The following AGGF1 variants were observed in gnomAD, a reference collection of about 807,000 sequenced individuals.
The protein encoded by AGGF1 is angiogenic factor with G patch and FHA domains 1.
Under a neutral mutation model 86.5 loss-of-function variants are expected in AGGF1, and 56 were observed. The observed-to-expected ratio is 0.65, with a 90% CI of 0.52 to 0.81. The LOEUF is 0.81. AGGF1 is among the 30% of genes least tolerant of loss of function. AGGF1 has a pLI of 0.00. For missense variants in AGGF1, 816 were observed against 850.9 expected (o/e 0.96, Z 0.51); for synonymous variants, 313 against 297.1 (o/e 1.05, Z -0.55).
intron 6 of AGGF1, 92 bp from the exon 7 acceptor site, chr5:77,048,069 C>G: frequency 3.5e-6 from 3 of 864,404 alleles, no homozygotes; most frequent in Non-Finnish European, 5.9e-6. Context: ...TTGACCAACA[C>G]ATTTTTATTT....
At chr5:77,045,772 T>A (rs936283201) in intron 5 of AGGF1, among the ~76,000 whole-genome samples, 4 of 152,244 alleles carry the variant, frequency 2.6e-5, no homozygotes, top group Admixed American at 1.3e-4. Flanking sequence ...GCCTGCACTA[T>A]CCAGTAAGGT....
intron 9 of AGGF1, among the ~76,000 whole-genome samples, chr5:77,053,524 G>C (rs944485301): frequency 1.3e-5 from 2 of 151,922 alleles, no homozygotes; most frequent in Non-Finnish European, 2.9e-5. Context: ...CTCAAAAAAA[G>C]AAAAAATATA....
chr5:77,038,976 A>G (rs1747014920), intron 4 of AGGF1, among the ~76,000 whole-genome samples: 2 of 152,124 alleles, frequency 1.3e-5, no homozygotes, highest in Admixed American at 6.5e-5. Flanking sequence ...ATTTTATAGA[A>G]TGTTATTTTT....
chr5:77,049,149 A>G lies in AGGF1; in HGVS notation c.1365+162A>G, dbSNP rs142681743. ...AGATCTGTTTATTCCAGTGCTTGAG[A>G]AAATAATTCTTTATCACAATTTGAA... On this transcript the variant is annotated intron_variant, in intron 8 of 13. Coordinates refer to ENST00000312916, the MANE Select transcript of AGGF1 (RefSeq NM_018046.5). 3.6e-3 allele frequency among the ~76,000 whole-genome samples: 544 copies of G among 152,332 alleles called. 1 individual carries two copies. Among genetic ancestry groups the G allele is most frequent in the African/African-American group, 0.012 (506 of 41,574 alleles).
intron 5 of AGGF1, among the ~76,000 whole-genome samples, chr5:77,040,975 A>T (rs1382022361): frequency 1.3e-5 from 2 of 151,864 alleles, no homozygotes; most frequent in Admixed American, 1.3e-4. Context: ...TGATCTGCCT[A>T]CCTCAGCCTC....
At chr5:77,034,633 T>C in intron 2 of AGGF1, 113 bp downstream of exon 2, 3 of 783,874 alleles carry the variant, frequency 3.8e-6, no homozygotes, top group South Asian at 2.9e-5. Context: ...GAATTGTTAA[T>C]ACTGTTGACG....
intron 11 of AGGF1, among the ~76,000 whole-genome samples, chr5:77,057,825 A>G (rs1747486845): frequency 6.6e-6 from 1 of 152,202 alleles, no homozygotes; most frequent in Non-Finnish European, 1.5e-5. Context: ...TCCTGTTTCC[A>G]GGTGGGGACT....
At chr5:77,043,611 G>T (rs1283804362) in intron 5 of AGGF1, among the ~76,000 whole-genome samples, 2 of 135,404 alleles carry the variant, frequency 1.5e-5, no homozygotes, top group Non-Finnish European at 3.3e-5. Flanking sequence ...GGATGGCACG[G>T]CTGGCCGGGC....
At chr5:77,049,917 T>C (rs541622437) in intron 8 of AGGF1, among the ~76,000 whole-genome samples, 1 of 152,282 alleles carries the variant, frequency 6.6e-6, no homozygotes, top group South Asian at 2.1e-4. Flanking sequence ...CTTATGGTTG[T>C]TATCTTTTTT....
At position 77,039,778 on chromosome 5, in the gene AGGF1, A is replaced by T. The variant is rs948372947; in HGVS notation, c.870+59A>T. 2.4e-5 allele frequency: 35 copies of T among 1,457,222 alleles called. No homozygotes were observed. The African/African-American group carries it at 4.7e-4, about 19-fold the overall frequency. The allele number at this position is 1,457,222 out of a possible 1,614,324, so 90.3% of individuals were successfully genotyped here. Reference sequence around the variant, plus strand: ...TGGTGATAACATGATAATTAAGACAAAATTTTTTATGAAACTGACAATCAT... The same window carrying T: ...TGGTGATAACATGATAATTAAGACATAATTTTTTATGAAACTGACAATCAT... On this transcript the variant is annotated intron_variant, in intron 5 of 13. Transcript: ENST00000312916.
rs192558101 is a variant in AGGF1, at chr5:77,050,197, A to G, written c.1365+1210A>G. 3.4e-4 allele frequency among the ~76,000 whole-genome samples: 51 copies of G among 152,104 alleles called. No homozygotes were observed. In the East Asian group the frequency reaches 7.1e-3, roughly 21 times the overall value. ...TTGAGTCTCCTGCCTCCAAAAAAAT[A>G]AAACAACACCTAATCTGTAACTTAA... On this transcript the variant is annotated intron_variant, in intron 8 of 13. Transcript: ENST00000312916.
intron 11 of AGGF1, among the ~76,000 whole-genome samples, chr5:77,058,847 C>T (rs150532375): frequency 1.6e-3 from 247 of 152,288 alleles, no homozygotes; most frequent in African/African-American, 5.7e-3. Flanking sequence ...TATTGAACCA[C>T]TCGTACTGCA....
At position 77,063,383 on chromosome 5, in the gene AGGF1, G is replaced by A; in HGVS notation, c.*131G>A. 9.8e-7 allele frequency: 1 copy of A among 1,022,540 alleles called. No homozygotes were observed. The highest frequency in any genetic ancestry group is 1.5e-5 in the South Asian group (1 of 65,460). The allele number at this position is 1,022,540 out of a possible 1,614,324, so 63.3% of individuals were successfully genotyped here. A position where few individuals can be genotyped will look rare whatever the true frequency, so the allele number is the denominator to read the frequency against. ...TTACCTCTTCCTGATTCAGAAATGTGTATGGTTTGCAGCTTTTAAAAACCA... is the reference window on the plus strand; with the variant it reads ...TTACCTCTTCCTGATTCAGAAATGTATATGGTTTGCAGCTTTTAAAAACCA... On this transcript the variant is annotated 3_prime_UTR_variant, in exon 14 of 14. Transcript: ENST00000312916.
chr5:77,052,876 G>C lies in AGGF1; in HGVS notation c.1467+69G>C, dbSNP rs1747399273. ...AACTGATTTTTTTTTATTTCTGAAG[G>C]GCATAATCTTTATCATTTGGTTCAG... On this transcript the variant is annotated intron_variant, in intron 9 of 13. Coordinates refer to ENST00000312916, the MANE Select transcript of AGGF1 (RefSeq NM_018046.5). 1.2e-5 allele frequency: 15 copies of C among 1,262,830 alleles called. No individual in the cohort carries two copies. In the Middle Eastern group the frequency reaches 1.1e-3, roughly 94 times the overall value. 78.2% of individuals were successfully genotyped at this position (1,262,830 alleles called of 1,614,324 possible). A position where few individuals can be genotyped will look rare whatever the true frequency, so the allele number is the denominator to read the frequency against.
intron 8 of AGGF1, among the ~76,000 whole-genome samples, chr5:77,051,249 C>T (rs535482914): frequency 4.3e-4 from 65 of 151,948 alleles, no homozygotes; most frequent in African/African-American, 1.4e-3. Flanking sequence ...CTGGCTAACA[C>T]GGTGAAACCC....
At chr5:77,039,496 A>G (rs1747025835) in intron 4 of AGGF1, 35 bp from the exon 5 acceptor site, 4 of 1,534,584 alleles carry the variant, frequency 2.6e-6, no homozygotes, top group East Asian at 2.3e-5. Flanking sequence ...TTTATCTTAC[A>G]TGAATAGAAT....
chr5:77,030,883 C>CA lies in AGGF1; in HGVS notation c.119dup (p.Arg41AlafsTer36). Reference sequence around the variant, plus strand: ...AGTTGGAACGTGAACTGCGGAGCTGCAAGCGGCAGGTGCGGGAGATCGAGA... The same window carrying CA: ...AGTTGGAACGTGAACTGCGGAGCTGCAAAGCGGCAGGTGCGGGAGATCGAGA... On this transcript the variant is annotated frameshift_variant, in exon 1 of 14. Transcript: ENST00000312916. LOFTEE classifies it high-confidence loss of function. The CA allele has an allele frequency of 6.2e-7, 1 of 1,613,540 alleles. No individual in the cohort carries two copies. The highest frequency in any genetic ancestry group is 1.1e-5 in the South Asian group (1 of 91,088).
intron 9 of AGGF1, among the ~76,000 whole-genome samples, chr5:77,053,103 C>CT (rs1272016451): frequency 2.6e-5 from 4 of 152,110 alleles, no homozygotes; most frequent in African/African-American, 4.8e-5. Context: ...AAGGTCGTCC[C>CT]TTTTTTTATT....
At chr5:77,050,802 T>C (rs1233328483) in intron 8 of AGGF1, among the ~76,000 whole-genome samples, 2 of 152,200 alleles carry the variant, frequency 1.3e-5, no homozygotes, top group East Asian at 1.9e-4. Context: ...GAAAAGTTCA[T>C]GCAAATTTAT....
Sources: gnomAD v4.1 joint callset for allele counts (sites outside exome capture counted in the v4.1 genomes callset) on GRCh38, gnomAD v4.1.1 for gene constraint, MANE v1.5 for transcripts, NCBI Gene and HGNC (gene_info 2026-07-23, HGNC 2026-07-21) for gene names.